Variants in ATP5PB observed in about 807,000 individuals in gnomAD.
The protein encoded by ATP5PB is ATP synthase peripheral stalk-membrane subunit b.
Under a neutral mutation model 34.5 loss-of-function variants are expected in ATP5PB, and 21 were observed. The ratio of observed to expected loss-of-function variants is 0.61; its 90% CI spans 0.43 to 0.88. The LOEUF (loss-of-function observed/expected upper bound fraction) is 0.88, where lower values mean the gene tolerates loss of function less well. ATP5PB is among the 40% of genes least tolerant of loss of function. The pLI, the probability that ATP5PB is intolerant of heterozygous loss-of-function variation, is 0.00. For missense variants in ATP5PB, 293 were observed against 317.4 expected, an observed-to-expected ratio of 0.92 and a Z score of 0.58; for synonymous variants, 108 against 114.1, an observed-to-expected ratio of 0.95 and a Z score of 0.34.
rs745481219 is a variant in ATP5PB, at chr1:111,456,617, A to G, written c.388-13A>G. On this transcript the variant is annotated splice_polypyrimidine_tract_variant and intron_variant, in intron 4 of 6. Coordinates refer to ENST00000369722, the MANE Select transcript of ATP5PB (RefSeq NM_001688.5). ...GCTTTCACTGATCTTTGTTGTTGCT[A>G]TCACAATTGTAGCAAAAACTTGCCC... The G allele has an allele frequency of 3.7e-6, 6 of 1,609,366 alleles. No homozygotes were observed. The highest frequency in any genetic ancestry group is 1.7e-5 in the Admixed American group (1 of 58,910).
At chr1:111,454,533 C>T (rs184003912) in intron 3 of ATP5PB, among the ~76,000 whole-genome samples, 177 bp downstream of exon 3, 1 of 152,194 alleles carries the variant, frequency 6.6e-6, no homozygotes, top group East Asian at 1.9e-4. Context: ...TCACTGCAGC[C>T]TCCACCTCCC....
At chr1:111,456,024 T>C in intron 3 of ATP5PB, 62 bp from the exon 4 acceptor site, 1 of 1,352,834 alleles carries the variant, frequency 7.4e-7, no homozygotes. Flanking sequence ...AGAAGTACCT[T>C]TCTATCTTCC....
chr1:111,456,390 A>G (rs1434348618), intron 4 of ATP5PB, 141 bp downstream of exon 4: 1 of 1,091,384 alleles, frequency 9.2e-7, no homozygotes, highest in Non-Finnish European at 1.2e-6. Context: ...GTTAGTTACT[A>G]ATTTGAGATA....
chr1:111,449,902 T>C (rs776651483), intron 2 of ATP5PB, 29 bp downstream of exon 2: 1 of 1,613,874 alleles, frequency 6.2e-7, no homozygotes, highest in Non-Finnish European at 8.5e-7. Flanking sequence ...CTCCCTTTCG[T>C]CTTTGTTTTC....
intron 2 of ATP5PB, among the ~76,000 whole-genome samples, 180 bp downstream of exon 2, chr1:111,450,053 C>T (rs1196095216): frequency 6.6e-6 from 1 of 152,120 alleles, no homozygotes. Context: ...CTCATGTCAC[C>T]TAATGACCAA....
chr1:111,455,620 A>G (rs1013229984), intron 3 of ATP5PB, among the ~76,000 whole-genome samples: 1 of 152,220 alleles, frequency 6.6e-6, no homozygotes, highest in Non-Finnish European at 1.5e-5. Flanking sequence ...TTTTATATAC[A>G]TATCACTTTG....
chr1:111,460,430 A>T (rs1318280932), intron 6 of ATP5PB, among the ~76,000 whole-genome samples: 2 of 146,928 alleles, frequency 1.4e-5, no homozygotes, highest in Non-Finnish European at 3.0e-5. Context: ...AACAGTGTCT[A>T]TCAAAGTTTT....
chr1:111,450,501 C>T (rs971185191), intron 2 of ATP5PB, among the ~76,000 whole-genome samples: 1 of 152,162 alleles, frequency 6.6e-6, no homozygotes, highest in Non-Finnish European at 1.5e-5. Context: ...GCTGTGTGAC[C>T]TCAATTTCCT....
chr1:111,449,822 C>T lies in ATP5PB; in HGVS notation c.41-15C>T. On this transcript the variant is annotated splice_polypyrimidine_tract_variant and intron_variant, in intron 1 of 6. Coordinates refer to ENST00000369722, the MANE Select transcript of ATP5PB (RefSeq NM_001688.5). Reference sequence around the variant, plus strand: ...TTCATTTGACTTTGCTGACCTTCGCCTTGTCTATCTGCAGCCCCCTCTCTG... The same window carrying T: ...TTCATTTGACTTTGCTGACCTTCGCTTTGTCTATCTGCAGCCCCCTCTCTG... The T allele has an allele frequency of 6.2e-7, 1 of 1,614,142 alleles. No individual in the cohort carries two copies. Among genetic ancestry groups the T allele is most frequent in the Non-Finnish European group, 8.5e-7 (1 of 1,180,016 alleles).
In ATP5PB at chr1:111,459,632, A is replaced by C. The variant is rs374781296; in HGVS notation, c.689A>C (p.Gln230Pro). The C allele has an allele frequency of 1.2e-6, 2 of 1,613,562 alleles. No individual in the cohort carries two copies. The highest frequency in any genetic ancestry group is 1.7e-6 in the Non-Finnish European group (2 of 1,179,706). The change falls in exon 6 of 7, where the codon CAG (glutamine) becomes CCG (proline). Residue 230 changes from glutamine to proline, a missense_variant. Physicochemically the swap from Gln to Pro is moderately conservative, Grantham distance 76 (BLOSUM62 -1). Transcript: ENST00000369722. Reference sequence around the variant, plus strand: ...CACGTGGTGCAAAGCATCTCCACACAGCAGGTACACAACATTTTTGTAGGT... The same window carrying C: ...CACGTGGTGCAAAGCATCTCCACACCGCAGGTACACAACATTTTTGTAGGT... The part of the protein sequence containing the change: ...EKHVVQSIST[Q>P]QEKETIAKCI...
rs776043138 is a variant in ATP5PB at position 111,449,846 on chromosome 1, T to C, written c.50T>C (p.Leu17Pro). 1 of 1,614,200 alleles carries C rather than the reference T, an allele frequency of 6.2e-7. No individual in the cohort carries two copies. Among genetic ancestry groups the C allele is most frequent in the South Asian group, 1.1e-5 (1 of 91,080 alleles). Residue 17 changes from leucine to proline, a missense_variant, in exon 2 of 7, where the codon CTG becomes CCG. Physicochemically the swap from Leu to Pro is moderately conservative, Grantham distance 98 (BLOSUM62 -3). Coordinates refer to ENST00000369722, the MANE Select transcript of ATP5PB (RefSeq NM_001688.5). The part of the protein sequence containing the change: ...LSAAATAAPS[L>P]KNAAFLGPGV... Reference sequence around the variant, plus strand: ...CCTTGTCTATCTGCAGCCCCCTCTCTGAAGAATGCAGCCTTCCTAGGTCCA... The same window carrying C: ...CCTTGTCTATCTGCAGCCCCCTCTCCGAAGAATGCAGCCTTCCTAGGTCCA...
chr1:111,459,337 A>C lies in ATP5PB; in HGVS notation c.514-120A>C. Reference sequence around the variant, plus strand: ...ATTTCTAGGTACATATTACCTATTAAATAAAAGAATTTCACGTAAAATACA... The same window carrying C: ...ATTTCTAGGTACATATTACCTATTACATAAAAGAATTTCACGTAAAATACA... On this transcript the variant is annotated intron_variant, in intron 5 of 6. Coordinates refer to ENST00000369722, the MANE Select transcript of ATP5PB (RefSeq NM_001688.5). 6.3e-6 allele frequency: 6 copies of C among 949,304 alleles called. No homozygotes were observed. The South Asian group carries it at 1.3e-4, about 20-fold the overall frequency. 58.8% of individuals were successfully genotyped at this position (949,304 alleles called of 1,614,324 possible).
intron 6 of ATP5PB, among the ~76,000 whole-genome samples, chr1:111,460,566 C>A (rs1653593155): frequency 6.6e-6 from 1 of 151,236 alleles, no homozygotes; most frequent in Non-Finnish European, 1.5e-5. Flanking sequence ...TTATATATTA[C>A]TAATATTTGT....
At chr1:111,455,475 C>A (rs1417971581) in intron 3 of ATP5PB, among the ~76,000 whole-genome samples, 1 of 152,032 alleles carries the variant, frequency 6.6e-6, no homozygotes, top group Non-Finnish European at 1.5e-5. Context: ...CTGTGAGGCG[C>A]GGAGGAAAGA....
At chr1:111,459,032 A>G (rs1346108780) in intron 5 of ATP5PB, among the ~76,000 whole-genome samples, 1 of 152,346 alleles carries the variant, frequency 6.6e-6, no homozygotes, top group East Asian at 1.9e-4. Flanking sequence ...AGACAAATCT[A>G]CAATGTATGC....
intron 3 of ATP5PB, among the ~76,000 whole-genome samples, chr1:111,455,418 A>G (rs764688215): frequency 2.6e-5 from 4 of 152,208 alleles, no homozygotes; most frequent in African/African-American, 4.8e-5. Flanking sequence ...TCTCAGAAAT[A>G]CTGTAAAATG....
chr1:111,459,272 A>G (rs983088420), intron 5 of ATP5PB, among the ~76,000 whole-genome samples, 185 bp from the exon 6 acceptor site: 3 of 152,190 alleles, frequency 2.0e-5, no homozygotes, highest in African/African-American at 7.2e-5. Flanking sequence ...TATTTCATAC[A>G]GCATCACTTT....
intron 6 of ATP5PB, among the ~76,000 whole-genome samples, chr1:111,460,656 A>G (rs897882622): frequency 1.4e-4 from 21 of 152,190 alleles, no homozygotes; most frequent in Non-Finnish European, 2.2e-4. Context: ...TCTGGCCTCA[A>G]ATTCTATACA....
Position 111,449,891 on chromosome 1 carries a change from G to A in ATP5PB, c.77+18G>A, listed in dbSNP as rs1653262071. 1 of 1,614,016 alleles carries A rather than the reference G, an allele frequency of 6.2e-7. No individual in the cohort carries two copies. The highest frequency in any genetic ancestry group is 8.5e-7 in the Non-Finnish European group (1 of 1,179,940). Reference sequence around the variant, plus strand: ...GGTCCAGGGTAAGTGTGAGGATAATGCTCCCTTTCGTCTTTGTTTTCACTA... The same window carrying A: ...GGTCCAGGGTAAGTGTGAGGATAATACTCCCTTTCGTCTTTGTTTTCACTA... On this transcript the variant is annotated intron_variant, in intron 2 of 6. Coordinates refer to ENST00000369722, the MANE Select transcript of ATP5PB (RefSeq NM_001688.5).
Sources: gnomAD v4.1 joint callset for allele counts (sites outside exome capture counted in the v4.1 genomes callset) on GRCh38, gnomAD v4.1.1 for gene constraint, MANE v1.5 for transcripts, NCBI Gene and HGNC (gene_info 2026-07-23, HGNC 2026-07-21) for gene names.